Variants in SLC8A1 observed in about 807,000 individuals in gnomAD.
The protein encoded by SLC8A1 is solute carrier family 8 member A1, also known as sodium/calcium exchanger 1.
In SLC8A1, 18 loss-of-function variants were observed where a neutral mutation model predicts 68.3. The observed-to-expected ratio is 0.26, with a 90% CI of 0.18 to 0.39. The LOEUF (loss-of-function observed/expected upper bound fraction) is 0.39. Ranked by LOEUF, SLC8A1 falls within the 10% of genes least tolerant of loss-of-function variation. The pLI is 1.00. For synonymous variants in SLC8A1, 475 were observed against 415.5 expected, an observed-to-expected ratio of 1.14 and a Z score of -1.74; for missense variants, 985 against 1,156.7, an observed-to-expected ratio of 0.85 and a Z score of 2.15.
chr2:40,440,877 G>T (rs1026968555), intron 1 of SLC8A1, among the ~76,000 whole-genome samples: 1 of 152,130 alleles, frequency 6.6e-6, no homozygotes, highest in Non-Finnish European at 1.5e-5. Flanking sequence ...ACAAGACAAG[G>T]ATGCCCTCTC....
At chr2:40,383,970 G>A (rs564559687) in intron 2 of SLC8A1, among the ~76,000 whole-genome samples, 3 of 152,062 alleles carry the variant, frequency 2.0e-5, no homozygotes, top group Non-Finnish European at 4.4e-5. Context: ...GTAATAAATG[G>A]TAAGCACTGG....
At chr2:40,270,930 C>T (rs546737761) in intron 2 of SLC8A1, among the ~76,000 whole-genome samples, 19 of 152,188 alleles carry the variant, frequency 1.2e-4, no homozygotes, top group South Asian at 2.1e-4. Flanking sequence ...GTTTTCCTAA[C>T]GCCCTCTTTC....
At chr2:40,384,641 T>C (rs1559473766) in intron 2 of SLC8A1, among the ~76,000 whole-genome samples, 1 of 152,166 alleles carries the variant, frequency 6.6e-6, no homozygotes, top group Non-Finnish European at 1.5e-5. Flanking sequence ...TATTTTGTCA[T>C]GATCTTTGGT....
At chr2:40,370,330 A>C (rs1244042261) in intron 2 of SLC8A1, among the ~76,000 whole-genome samples, 2 of 152,126 alleles carry the variant, frequency 1.3e-5, no homozygotes, top group Non-Finnish European at 2.9e-5. Context: ...GAATCAATTT[A>C]CATTTCCAAC....
intron 7 of SLC8A1, among the ~76,000 whole-genome samples, chr2:40,134,255 C>T (rs1224163888): frequency 1.3e-5 from 2 of 152,002 alleles, no homozygotes; most frequent in African/African-American, 4.8e-5. Context: ...CCACGCCCAG[C>T]TAATTTTTGT....
At chr2:40,216,246 A>T (rs1369513003) in intron 2 of SLC8A1, among the ~76,000 whole-genome samples, 1 of 152,020 alleles carries the variant, frequency 6.6e-6, no homozygotes, top group Non-Finnish European at 1.5e-5. Context: ...ATGAGTGAGA[A>T]CATGTGGTGT....
At chr2:40,313,191 C>T (rs761005252) in intron 2 of SLC8A1, among the ~76,000 whole-genome samples, 7 of 151,960 alleles carry the variant, frequency 4.6e-5, no homozygotes, top group Non-Finnish European at 1.0e-4. Flanking sequence ...CCATTATGTA[C>T]TTTGGGGAGG....
chr2:40,161,948 T>G (rs969118315), intron 5 of SLC8A1, among the ~76,000 whole-genome samples: 1 of 152,134 alleles, frequency 6.6e-6, no homozygotes, highest in African/African-American at 2.4e-5. Flanking sequence ...TAACTGGGAG[T>G]AAGCAAAATG....
At chr2:40,442,500 G>A (rs1218282935) in intron 1 of SLC8A1, among the ~76,000 whole-genome samples, 1 of 151,058 alleles carries the variant, frequency 6.6e-6, no homozygotes, top group East Asian at 1.9e-4. Context: ...AACATATCAA[G>A]AAAAGCTCAT....
At chr2:40,310,274 T>C (rs1450188185) in intron 2 of SLC8A1, among the ~76,000 whole-genome samples, 1 of 152,204 alleles carries the variant, frequency 6.6e-6, no homozygotes, top group Non-Finnish European at 1.5e-5. Context: ...GCAGCACATT[T>C]ACGGTGTAGC....
intron 2 of SLC8A1, among the ~76,000 whole-genome samples, chr2:40,376,488 T>C (rs1679904216): frequency 6.6e-6 from 1 of 151,990 alleles, no homozygotes; most frequent in South Asian, 2.1e-4. Context: ...TCTGAGGAGG[T>C]CTCACTCTCT....
intron 1 of SLC8A1, among the ~76,000 whole-genome samples, chr2:40,439,623 G>C (rs1175545060): frequency 6.6e-6 from 1 of 152,056 alleles, no homozygotes; most frequent in Non-Finnish European, 1.5e-5. Flanking sequence ...AATGCTGGTT[G>C]TGTGAGCAGA....
chr2:40,224,454 G>A (rs116640202), intron 2 of SLC8A1, among the ~76,000 whole-genome samples: 5 of 152,166 alleles, frequency 3.3e-5, no homozygotes, highest in African/African-American at 7.2e-5. Context: ...TAACACAGAC[G>A]TCATAGCTGG....
intron 2 of SLC8A1, among the ~76,000 whole-genome samples, chr2:40,230,431 G>C (rs2059505329): frequency 6.6e-6 from 1 of 152,022 alleles, no homozygotes; most frequent in Admixed American, 6.6e-5. Flanking sequence ...CATTATAACA[G>C]CCACACATTG....
At chr2:40,449,161 C>T (rs1440970668) in intron 1 of SLC8A1, among the ~76,000 whole-genome samples, 1 of 137,142 alleles carries the variant, frequency 7.3e-6, no homozygotes, top group Non-Finnish European at 1.6e-5. Flanking sequence ...AAAAAAAAAA[C>T]AAAAAACAAA....
At chr2:40,411,259 C>G (rs991388754) in intron 2 of SLC8A1, among the ~76,000 whole-genome samples, 1 of 152,024 alleles carries the variant, frequency 6.6e-6, no homozygotes, top group Non-Finnish European at 1.5e-5. Flanking sequence ...TTAATAATAG[C>G]TAGCATAACA....
chr2:40,228,854 A>T (rs1652658567), intron 2 of SLC8A1, among the ~76,000 whole-genome samples: 1 of 152,182 alleles, frequency 6.6e-6, no homozygotes, highest in Non-Finnish European at 1.5e-5. Flanking sequence ...ACCTATTGTT[A>T]GAGAAATTTG....
chr2:40,141,203 G>A (rs1398278427), intron 6 of SLC8A1, among the ~76,000 whole-genome samples: 1 of 152,310 alleles, frequency 6.6e-6, no homozygotes, highest in Non-Finnish European at 1.5e-5. Context: ...TGGCCAGCAT[G>A]GAGCACACAT....
chr2:40,307,589 G>A (rs1375666197), intron 2 of SLC8A1, among the ~76,000 whole-genome samples: 4 of 152,142 alleles, frequency 2.6e-5, no homozygotes, highest in Admixed American at 2.6e-4. Context: ...GGAAACAAAA[G>A]CCTCAAAATA....
Sources: gnomAD v4.1 joint callset for allele counts (sites outside exome capture counted in the v4.1 genomes callset) on GRCh38, gnomAD v4.1.1 for gene constraint, MANE v1.5 for transcripts, NCBI Gene and HGNC (gene_info 2026-07-23, HGNC 2026-07-21) for gene names.